Variants in PIK3C2G observed in about 807,000 individuals in gnomAD.
PIK3C2G encodes phosphatidylinositol-4-phosphate 3-kinase catalytic subunit type 2 gamma.
Under a neutral mutation model 181.1 loss-of-function variants are expected in PIK3C2G, and 168 were observed. That is an observed-to-expected ratio of 0.93 (90% CI 0.82 to 1.05). The LOEUF is 1.05. PIK3C2G is among the 50% of genes least tolerant of loss of function. The pLI, the probability that PIK3C2G is intolerant of heterozygous loss-of-function variation, is 0.00. For synonymous variants in PIK3C2G, 573 were observed against 592.2 expected, an observed-to-expected ratio of 0.97 and a Z score of 0.47; for missense variants, 1,869 against 1,732.8, an observed-to-expected ratio of 1.08 and a Z score of -1.40.
the PIK3C2G span, among the ~76,000 whole-genome samples, chr12:18,718,289 C>G: frequency 6.6e-6 from 1 of 152,170 alleles, no homozygotes; most frequent in Non-Finnish European, 1.5e-5. Flanking sequence ...AGCTATATCA[C>G]CTGCACTGCT....
At chr12:18,376,390 A>G (rs925460045) in intron 13 of PIK3C2G, among the ~76,000 whole-genome samples, 2 of 152,226 alleles carry the variant, frequency 1.3e-5, no homozygotes, top group Non-Finnish European at 2.9e-5. Flanking sequence ...CCCTTTTGGA[A>G]TAAGAATGTT....
intron 29 of PIK3C2G, among the ~76,000 whole-genome samples, chr12:18,579,756 G>A (rs558585695): frequency 1.5e-3 from 232 of 151,938 alleles, no homozygotes; most frequent in African/African-American, 5.0e-3. Context: ...CATTCTTGTC[G>A]TGCTAACAAG....
chr12:18,683,353 C>A, the PIK3C2G span: 1 of 1,598,918 alleles, frequency 6.3e-7, no homozygotes, highest in Middle Eastern at 1.7e-4. Context: ...CTAATTAGAC[C>A]AATAACCAAT....
the PIK3C2G span, among the ~76,000 whole-genome samples, chr12:18,706,396 CATT>C: frequency 6.6e-6 from 1 of 152,030 alleles, no homozygotes; most frequent in Non-Finnish European, 1.5e-5. Context: ...GAAACAAAAA[CATT>C]ATTAACACTG....
chr12:18,722,322 T>A, the PIK3C2G span, among the ~76,000 whole-genome samples: 1 of 152,126 alleles, frequency 6.6e-6, no homozygotes, highest in Non-Finnish European at 1.5e-5. Flanking sequence ...ATTCAAGACC[T>A]AATTGCCTTA....
intron 5 of PIK3C2G, among the ~76,000 whole-genome samples, chr12:18,303,115 C>CTTCTTTTTCTTTCT (rs1950254062): frequency 7.3e-6 from 1 of 136,604 alleles, no homozygotes; most frequent in African/African-American, 2.8e-5. Flanking sequence ...TCTTTCTTTC[C>CTTCTTTTTCTTTCT]TTCTTTCTTT....
At chr12:18,699,846 A>T in the PIK3C2G span, 1 of 1,613,560 alleles carries the variant, frequency 6.2e-7, no homozygotes, top group Admixed American at 1.7e-5. Flanking sequence ...AATTATTTTC[A>T]TTAAATTGCT....
chr12:18,496,030 C>A, intron 20 of PIK3C2G, 32 bp from the exon 21 acceptor site: 1 of 1,181,396 alleles, frequency 8.5e-7, no homozygotes, highest in Non-Finnish European at 1.2e-6. Context: ...ATTTATTTTG[C>A]TCACTAGTTT....
At chr12:18,416,105 T>G (rs1481827059) in intron 16 of PIK3C2G, among the ~76,000 whole-genome samples, 1 of 151,764 alleles carries the variant, frequency 6.6e-6, no homozygotes, top group Non-Finnish European at 1.5e-5. Flanking sequence ...ATTAGCTGGG[T>G]GTGGTGGCGG....
chr12:18,696,532 G>A, the PIK3C2G span, among the ~76,000 whole-genome samples: 1 of 151,178 alleles, frequency 6.6e-6, no homozygotes, highest in Non-Finnish European at 1.5e-5. Context: ...GGAAAAAATT[G>A]ATTAGATAAT....
chr12:18,513,424 T>G (rs1374577058), intron 24 of PIK3C2G, among the ~76,000 whole-genome samples: 1 of 151,674 alleles, frequency 6.6e-6, no homozygotes, highest in African/African-American at 2.4e-5. Context: ...TGTCCAGTTG[T>G]GGGCTTTTCT....
chr12:18,478,748 C>T (rs1592361919), intron 18 of PIK3C2G, among the ~76,000 whole-genome samples: 1 of 152,062 alleles, frequency 6.6e-6, no homozygotes, highest in African/African-American at 2.4e-5. Flanking sequence ...GAGGCCAAGG[C>T]CAGATCGCTT....
At chr12:18,516,261 GTT>G (rs34294540) in intron 24 of PIK3C2G, among the ~76,000 whole-genome samples, 1 of 138,372 alleles carries the variant, frequency 7.2e-6, no homozygotes. Context: ...TTGACTGATG[GTT>G]TTTTTTTTTT....
intron 24 of PIK3C2G, among the ~76,000 whole-genome samples, chr12:18,532,521 A>G (rs1200496247): frequency 6.6e-6 from 1 of 152,032 alleles, no homozygotes; most frequent in Admixed American, 6.6e-5. Context: ...TGGGTCGTTT[A>G]TATTTTTACA....
chr12:18,375,867 T>A (rs1275101021), intron 13 of PIK3C2G, among the ~76,000 whole-genome samples: 1 of 152,180 alleles, frequency 6.6e-6, no homozygotes, highest in Non-Finnish European at 1.5e-5. Context: ...AGGTACCGCT[T>A]GGGCCACCAC....
At chr12:18,613,345 A>T (rs1948439156) in intron 31 of PIK3C2G, among the ~76,000 whole-genome samples, 1 of 152,122 alleles carries the variant, frequency 6.6e-6, no homozygotes, top group South Asian at 2.1e-4. Flanking sequence ...AATGTCAGGA[A>T]AGATAGAAGA....
At chr12:18,258,310 T>C (rs973621924), upstream of PIK3C2G, among the ~76,000 whole-genome samples, 1 of 152,094 alleles carries the variant, frequency 6.6e-6, no homozygotes, top group Non-Finnish European at 1.5e-5. Context: ...ACTTAAAATC[T>C]GTCTTACAAA....
chr12:18,411,630 C>T (rs960089691), intron 16 of PIK3C2G, among the ~76,000 whole-genome samples: 9 of 152,180 alleles, frequency 5.9e-5, no homozygotes, highest in South Asian at 2.1e-4. Flanking sequence ...GACTCAAAAT[C>T]TGTTGGAGAA....
chr12:18,271,259 C>T (rs553443720), intron 1 of PIK3C2G, among the ~76,000 whole-genome samples: 5 of 152,200 alleles, frequency 3.3e-5, no homozygotes, highest in South Asian at 2.1e-4. Flanking sequence ...CTTGTTCCTC[C>T]GCATCTGTTA....
Sources: allele counts gnomAD v4.1 joint callset (sites outside exome capture counted in the v4.1 genomes callset), GRCh38; gene constraint gnomAD v4.1.1; transcripts MANE v1.5; gene names NCBI Gene and HGNC (gene_info 2026-07-23, HGNC 2026-07-21).